NAV3: variants seen among roughly 807,000 people sequenced by gnomAD.
The protein encoded by NAV3 is pore membrane and/or filament interacting like protein 1.
In NAV3, 87 loss-of-function variants were observed where a neutral mutation model predicts 244.7. The observed-to-expected ratio is 0.36, with a 90% confidence interval of 0.30 to 0.42. The LOEUF (loss-of-function observed/expected upper bound fraction) is 0.42, where lower values mean the gene tolerates loss of function less well. NAV3 is among the 20% of genes least tolerant of loss of function. NAV3 has a pLI of 1.00. For synonymous variants in NAV3, 1,126 were observed against 1,042.2 expected, an observed-to-expected ratio of 1.08 and a Z score of -1.55; for missense variants, 2,663 against 2,893.3, an observed-to-expected ratio of 0.92 and a Z score of 1.83.
chr12:77,608,467 A>T (rs941010112), intron 2 of NAV3, among the ~76,000 whole-genome samples: 1 of 152,104 alleles, frequency 6.6e-6, no homozygotes, highest in African/African-American at 2.4e-5. Context: ...GCAGACTGTT[A>T]TATCCTATGT....
In NAV3 at chr12:77,604,093, G is replaced by C. The variant is rs567557682; in HGVS notation, c.72+31827G>C. Among the ~76,000 whole-genome samples, 11 of 152,144 alleles carry C rather than the reference G, an allele frequency of 7.2e-5. No homozygotes were observed. In the South Asian group the frequency reaches 2.3e-3, roughly 32 times the overall value. The stretch of plus-strand genomic sequence containing the variant: ...GGAGTGAAGGACTTAAGAGTGACAG[G>C]CTGCAAAGAGAAACATGAAAAGAAA... On this transcript the variant is annotated intron_variant, in intron 2 of 8. Coordinates refer to the NAV3 transcript ENST00000550042.
chr12:77,867,301 G>A (rs940028292), intron 1 of NAV3, among the ~76,000 whole-genome samples: 21 of 152,152 alleles, frequency 1.4e-4, no homozygotes, highest in African/African-American at 4.6e-4. Context: ...TCTAAGTCGT[G>A]CCTTTCGCCT....
chr12:78,163,202 C>A (rs1957639132), intron 23 of NAV3, among the ~76,000 whole-genome samples: 1 of 151,688 alleles, frequency 6.6e-6, no homozygotes, highest in East Asian at 1.9e-4. Flanking sequence ...GCATTAATAG[C>A]CTGAAACTAC....
intron 2 of NAV3, among the ~76,000 whole-genome samples, chr12:77,812,645 C>T (rs1872346164): frequency 6.6e-6 from 1 of 151,982 alleles, no homozygotes; most frequent in Non-Finnish European, 1.5e-5. Context: ...GAACTCCTGA[C>T]CTAGGTGATC....
intron 7 of NAV3, 139 bp from the exon 8 acceptor site, chr12:78,006,280 A>G (rs1874203700): frequency 1.3e-6 from 1 of 775,552 alleles, no homozygotes; most frequent in Admixed American, 2.9e-5. Context: ...ACATCAGAGA[A>G]GTGATTGATG....
chr12:77,784,966 T>C (rs1201719630), intron 2 of NAV3, among the ~76,000 whole-genome samples: 1 of 152,128 alleles, frequency 6.6e-6, no homozygotes, highest in Admixed American at 6.6e-5. Context: ...GGATAAGCAA[T>C]AAATTGGAAG....
chr12:77,576,877 T>A (rs1431371602), intron 2 of NAV3, among the ~76,000 whole-genome samples: 1 of 152,044 alleles, frequency 6.6e-6, no homozygotes, highest in Non-Finnish European at 1.5e-5. Context: ...CTTCCTTTTT[T>A]AATGTATATT....
chr12:77,692,106 A>G (rs1330463300), intron 2 of NAV3, among the ~76,000 whole-genome samples: 1 of 152,006 alleles, frequency 6.6e-6, no homozygotes, highest in African/African-American at 2.4e-5. Flanking sequence ...GGAAGTTCCT[A>G]TGTTTATAAT....
At chr12:78,071,495 T>G (rs934778330) in intron 12 of NAV3, among the ~76,000 whole-genome samples, 20 of 152,046 alleles carry the variant, frequency 1.3e-4, no homozygotes, top group African/African-American at 4.3e-4. Context: ...TTTCTCCCAT[T>G]TTGTAGGTTG....
At chr12:78,111,929 T>C (rs1172802587) in intron 12 of NAV3, among the ~76,000 whole-genome samples, 1 of 152,194 alleles carries the variant, frequency 6.6e-6, no homozygotes, top group East Asian at 1.9e-4. Context: ...TAAAGAAATA[T>C]ATATTTCTAA....
At chr12:77,582,693 A>T (rs1869420947) in intron 2 of NAV3, among the ~76,000 whole-genome samples, 1 of 152,166 alleles carries the variant, frequency 6.6e-6, no homozygotes, top group Admixed American at 6.5e-5. Context: ...CTGGTCTCTT[A>T]GTGGTGCCAG....
intron 2 of NAV3, among the ~76,000 whole-genome samples, chr12:77,815,181 C>T (rs888216352): frequency 1.3e-5 from 2 of 152,096 alleles, no homozygotes; most frequent in African/African-American, 4.8e-5. Flanking sequence ...AAGCAAAAAG[C>T]AAATAACTTG....
chr12:77,745,163 A>T (rs1297958800), intron 2 of NAV3, among the ~76,000 whole-genome samples: 1 of 151,978 alleles, frequency 6.6e-6, no homozygotes, highest in Non-Finnish European at 1.5e-5. Context: ...GGTTGCAGTA[A>T]TTTTTGCTGG....
intron 1 of NAV3, among the ~76,000 whole-genome samples, chr12:77,857,646 G>C (rs12321344): frequency 0.45 from 67,617 of 151,112 alleles, 15,583 homozygotes; most frequent in Non-Finnish European, 0.51. Flanking sequence ...CATTACTTTA[G>C]TGTGAAAAAA....
At chr12:77,999,327 G>A (rs189521675) in intron 7 of NAV3, among the ~76,000 whole-genome samples, 11 of 152,306 alleles carry the variant, frequency 7.2e-5, no homozygotes, top group Admixed American at 5.9e-4. Flanking sequence ...AGAGTGTTGG[G>A]CTCTACATGG....
chr12:77,829,926 T>C (rs978443010), upstream of NAV3, among the ~76,000 whole-genome samples: 12 of 152,250 alleles, frequency 7.9e-5, no homozygotes, highest in Non-Finnish European at 1.3e-4. Context: ...CCATGATTCA[T>C]TGTGTCTATA....
intron 2 of NAV3, among the ~76,000 whole-genome samples, chr12:77,670,233 A>G (rs918174352): frequency 6.6e-6 from 1 of 152,162 alleles, no homozygotes; most frequent in African/African-American, 2.4e-5. Flanking sequence ...CCATCCTCCA[A>G]GGTTAAACCA....
intron 1 of NAV3, among the ~76,000 whole-genome samples, chr12:77,898,592 T>C (rs1311817641): frequency 6.6e-6 from 1 of 152,198 alleles, no homozygotes; most frequent in African/African-American, 2.4e-5. Flanking sequence ...CAGTGGAAGA[T>C]GATAAACATA....
At chr12:77,974,244 A>G (rs1893261129) in intron 5 of NAV3, among the ~76,000 whole-genome samples, 1 of 151,938 alleles carries the variant, frequency 6.6e-6, no homozygotes, top group Admixed American at 6.6e-5. Context: ...TATATGTAAT[A>G]TAAAATAAGA....
Sources: allele counts gnomAD v4.1 joint callset (sites outside exome capture counted in the v4.1 genomes callset), GRCh38; gene constraint gnomAD v4.1.1; transcripts MANE v1.5; gene names NCBI Gene and HGNC (gene_info 2026-07-23, HGNC 2026-07-21).